Variants in POLN observed in about 807,000 individuals in gnomAD.
POLN encodes the protein DNA polymerase nu.
In POLN, 108 loss-of-function variants were observed where a neutral mutation model predicts 113.5. That is an observed-to-expected ratio of 0.95 (90% CI 0.81 to 1.12). POLN has a LOEUF of 1.12. Among genes scored for constraint, POLN ranks in the 50% most tolerant of loss-of-function variants. The pLI is 0.00. For missense variants in POLN, 1,097 were observed against 1,077.1 expected (o/e 1.02, Z -0.26); for synonymous variants, 386 against 391.5 (o/e 0.99, Z 0.17).
chr4:2,169,311 G>A (rs1732803981), intron 13 of POLN, among the ~76,000 whole-genome samples: 1 of 152,236 alleles, frequency 6.6e-6, no homozygotes, highest in South Asian at 2.1e-4. Flanking sequence ...CTCTAGGTGT[G>A]AAGGATGAGC....
chr4:2,194,967 A>T (rs1733539579), intron 6 of POLN, among the ~76,000 whole-genome samples: 2 of 146,482 alleles, frequency 1.4e-5, no homozygotes, highest in African/African-American at 2.8e-5. Flanking sequence ...TATATATATA[A>T]AAGCTAGATT....
intron 20 of POLN, among the ~76,000 whole-genome samples, chr4:2,091,761 CTG>C (rs765518897): frequency 0.013 from 1,904 of 144,962 alleles, 26 homozygotes; most frequent in Middle Eastern, 0.024. Context: ...ACACGTGAAT[CTG>C]TGTGTGTGTG....
chr4:2,073,009 C>A lies in POLN; in HGVS notation c.2476G>T (p.Glu826Ter). 1 of 1,613,548 alleles carries A rather than the reference C, an allele frequency of 6.2e-7. No homozygotes were observed. Among genetic ancestry groups the A allele is most frequent in the East Asian group, 2.2e-5 (1 of 44,884 alleles). ...ECAALVRRTM[E>*]SLEQVQALEL... is the part of the protein sequence containing the mutation. ...AATGCCTGCACCTGTTCCAAGGACTCCATGGTCCTCCTGACGAGAGCTAGA... is the reference window on the plus strand; with the variant it reads ...AATGCCTGCACCTGTTCCAAGGACTACATGGTCCTCCTGACGAGAGCTAGA... The change falls in exon 25 of 26, where the codon GAG becomes TAG. Residue 826 changes from glutamate to a stop codon, truncating the protein, a stop_gained. Transcript: ENST00000511885. LOFTEE classifies it low-confidence loss of function (END_TRUNC).
intron 19 of POLN, among the ~76,000 whole-genome samples, chr4:2,110,671 T>C (rs1362852323): frequency 1.3e-5 from 2 of 151,818 alleles, no homozygotes; most frequent in African/African-American, 2.4e-5. Context: ...ACACATACAC[T>C]CTCCCAAGAC....
intron 8 of POLN, among the ~76,000 whole-genome samples, chr4:2,179,079 C>A (rs529509806): frequency 6.6e-6 from 1 of 152,320 alleles, no homozygotes; most frequent in South Asian, 2.1e-4. Flanking sequence ...GGAAGAGTCA[C>A]ACTATGGACA....
chr4:2,129,949 T>A (rs1048107917), intron 17 of POLN, among the ~76,000 whole-genome samples: 2 of 151,930 alleles, frequency 1.3e-5, no homozygotes, highest in African/African-American at 4.8e-5. Context: ...GTCACATGTA[T>A]TTTAGAAAGG....
At chr4:2,123,844 CTGTATACAAA>C (rs1731511586) in intron 19 of POLN, among the ~76,000 whole-genome samples, 1 of 151,668 alleles carries the variant, frequency 6.6e-6, no homozygotes. Flanking sequence ...AAAACCAAAC[CTGTATACAAA>C]TGTGCATAAT....
Position 2,144,673 on chromosome 4 carries a change from C to T in POLN, c.1731+12115G>A, listed in dbSNP as rs77040232. ...ATATTTTTCCTTAAAAATTGCTCCC[C>T]CACACCCCAATAATCCGTTAGCTGT... is the stretch of plus-strand genomic sequence containing the variant. On this transcript the variant is annotated intron_variant, in intron 16 of 25. Coordinates refer to ENST00000511885, the MANE Select transcript of POLN (RefSeq NM_181808.4). Among the ~76,000 whole-genome samples the T allele has an allele frequency of 1.4e-3, 217 of 152,258 alleles. 2 individuals are homozygous for T. In the East Asian group the frequency reaches 0.037, roughly 26 times the overall value.
rs752881314 is a variant in POLN, at chr4:2,208,358, A to G, written c.343T>C (p.Ser115Pro). The G allele has an allele frequency of 1.9e-6, 3 of 1,613,506 alleles. No homozygotes were observed. The African/African-American group carries it at 4.0e-5, about 22-fold the overall frequency. ...KQKSISSLTL[S>P]SCLIPQYNQE... ...TTATACTGTGGAATTAAACAACTTG[A>G]AAGAGTCAATGAGCTGATGCTCTTC... Residue 115 changes from serine to proline, a missense_variant, in exon 5 of 26, where the codon TCA (serine) becomes CCA (proline). Coordinates refer to ENST00000511885, the MANE Select transcript of POLN (RefSeq NM_181808.4).
intron 5 of POLN, among the ~76,000 whole-genome samples, chr4:2,199,768 G>A (rs1227887633): frequency 1.5e-5 from 2 of 134,706 alleles, no homozygotes; most frequent in African/African-American, 7.2e-5. Context: ...TAGTAGAGAC[G>A]GGGTTTCACT....
At chr4:2,161,360 C>T (rs1427427663) in intron 13 of POLN, among the ~76,000 whole-genome samples, 3 of 152,206 alleles carry the variant, frequency 2.0e-5, no homozygotes, top group Non-Finnish European at 4.4e-5. Flanking sequence ...GCCCTGCACT[C>T]GGAGCAGCCA....
chr4:2,241,566 C>T lies in POLN; in HGVS notation c.-59G>A. 1 of 985,696 alleles carries T rather than the reference C, an allele frequency of 1.0e-6. No individual in the cohort carries two copies. Among genetic ancestry groups the T allele is most frequent in the Non-Finnish European group, 1.2e-6 (1 of 830,134 alleles). 61.1% of individuals were successfully genotyped at this position (985,696 alleles called of 1,614,324 possible). A position where few individuals can be genotyped will look rare whatever the true frequency, so the allele number is the denominator to read the frequency against. On this transcript the variant is annotated 5_prime_UTR_variant, in exon 2 of 26. Coordinates refer to ENST00000511885, the MANE Select transcript of POLN (RefSeq NM_181808.4). ...GCTCCACCTCCAGAGTCCACCACCG[C>T]GACGCGGAGAACAGCAGGAGCAGCA...
intron 3 of POLN, chr4:2,228,348 CTTTTTTTT>C (rs531222767): frequency 3.2e-5 from 6 of 188,094 alleles, no homozygotes; most frequent in African/African-American, 8.1e-5. Context: ...ACTGCTTTCA[CTTTTTTTT>C]TTTTTTTTTT....
chr4:2,241,577 A>G lies in POLN; in HGVS notation c.-70T>C. 4 of 985,784 alleles carry G rather than the reference A, an allele frequency of 4.1e-6. No individual in the cohort carries two copies. The highest frequency in any genetic ancestry group is 4.8e-6 in the Non-Finnish European group (4 of 830,208). The allele number at this position is 985,784 out of a possible 1,614,324, so 61.1% of individuals were successfully genotyped here. On this transcript the variant is annotated 5_prime_UTR_variant, in exon 2 of 26. Transcript: ENST00000511885. ...AGAGTCCACCACCGCGACGCGGAGA[A>G]CAGCAGGAGCAGCAGGGAAGCGCGC...
intron 23 of POLN, chr4:2,079,999 G>A: frequency 1.0e-6 from 1 of 985,554 alleles, no homozygotes; most frequent in Non-Finnish European, 1.2e-6. Context: ...CTGGGGCAGT[G>A]CTTAGACCCC....
At chr4:2,205,743 C>T (rs1022601572) in intron 5 of POLN, among the ~76,000 whole-genome samples, 1 of 151,920 alleles carries the variant, frequency 6.6e-6, no homozygotes, top group Non-Finnish European at 1.5e-5. Context: ...CGTGGTGGCA[C>T]GCACCTCCCA....
At chr4:2,231,814 C>T (rs1577792405) in intron 2 of POLN, 1 of 607,738 alleles carries the variant, frequency 1.6e-6, no homozygotes, top group East Asian at 3.1e-5. Context: ...TTCAATTCAT[C>T]AAATTAAATG....
chr4:2,198,213 A>G (rs536587186), intron 6 of POLN, among the ~76,000 whole-genome samples: 1 of 152,112 alleles, frequency 6.6e-6, no homozygotes, highest in South Asian at 2.1e-4. Flanking sequence ...ATCATCTGGG[A>G]CTCTGCCAGT....
intron 16 of POLN, among the ~76,000 whole-genome samples, chr4:2,141,239 GAACAC>G (rs1267099697): frequency 6.6e-6 from 1 of 152,230 alleles, no homozygotes; most frequent in African/African-American, 2.4e-5. Flanking sequence ...AAGTCTGCCT[GAACAC>G]ATGGATTGTG....
Sources: allele counts gnomAD v4.1 joint callset (sites outside exome capture counted in the v4.1 genomes callset), GRCh38; gene constraint gnomAD v4.1.1; transcripts MANE v1.5; gene names NCBI Gene and HGNC (gene_info 2026-07-23, HGNC 2026-07-21).